Variants in RANBP2 observed in about 807,000 individuals in gnomAD.
RANBP2 encodes the protein E3 SUMO-protein ligase RanBP2.
Under a neutral mutation model 303.6 loss-of-function variants are expected in RANBP2, and 57 were observed. The ratio of observed to expected loss-of-function variants is 0.19; its 90% CI spans 0.15 to 0.23. The LOEUF (loss-of-function observed/expected upper bound fraction) is 0.23, where lower values mean the gene tolerates loss of function less well. Among genes scored for constraint, RANBP2 ranks in the 10% least tolerant of loss-of-function variants. RANBP2 has a pLI of 1.00. For missense variants in RANBP2, 3,138 were observed against 3,780.8 expected, an observed-to-expected ratio of 0.83 and a Z score of 4.46; for synonymous variants, 1,167 against 1,301.5, an observed-to-expected ratio of 0.90 and a Z score of 2.23.
chr2:109,208,813 A>G, the RANBP2 span, among the ~76,000 whole-genome samples: 1 of 152,358 alleles, frequency 6.6e-6, no homozygotes, highest in Admixed American at 6.5e-5. Context: ...TGTCTCAAGC[A>G]TGAGATACTT....
the RANBP2 span, among the ~76,000 whole-genome samples, chr2:109,283,189 C>T: frequency 1.3e-5 from 2 of 152,306 alleles, no homozygotes; most frequent in East Asian, 3.9e-4. Flanking sequence ...GTGCCTGGAG[C>T]ATGCCTCTGT....
At chr2:109,020,416 G>C in the RANBP2 span, among the ~76,000 whole-genome samples, 3 of 152,204 alleles carry the variant, frequency 2.0e-5, 1 homozygote, top group African/African-American at 4.8e-5. Flanking sequence ...GGTTCCAGTA[G>C]AGGAAGTCAA....
At chr2:108,870,062 A>G in the RANBP2 span, among the ~76,000 whole-genome samples, 2 of 152,244 alleles carry the variant, frequency 1.3e-5, no homozygotes, top group African/African-American at 2.4e-5. Context: ...GAAGTGATAC[A>G]TGAGCAAAAT....
At chr2:109,154,433 C>T in the RANBP2 span, among the ~76,000 whole-genome samples, 1 of 152,202 alleles carries the variant, frequency 6.6e-6, no homozygotes, top group Non-Finnish European at 1.5e-5. Context: ...GTTGAAGCTG[C>T]AGCATCATGG....
At chr2:109,362,883 A>G in the RANBP2 span, among the ~76,000 whole-genome samples, 1 of 152,090 alleles carries the variant, frequency 6.6e-6, no homozygotes, top group Non-Finnish European at 1.5e-5. Flanking sequence ...ATTAATATGG[A>G]TATCTTTTGA....
At chr2:108,912,933 G>A in the RANBP2 span, among the ~76,000 whole-genome samples, 1 of 151,428 alleles carries the variant, frequency 6.6e-6, no homozygotes, top group African/African-American at 2.4e-5. Flanking sequence ...ACCCTAAAGA[G>A]TCATCGTTAT....
At chr2:108,847,966 C>G in the RANBP2 span, among the ~76,000 whole-genome samples, 1 of 152,030 alleles carries the variant, frequency 6.6e-6, no homozygotes, top group Non-Finnish European at 1.5e-5. Context: ...ATAAAGTTCG[C>G]CACAGACCTA....
the RANBP2 span, among the ~76,000 whole-genome samples, chr2:109,019,378 A>G: frequency 6.6e-6 from 1 of 152,232 alleles, no homozygotes; most frequent in Non-Finnish European, 1.5e-5. Context: ...TTGTTGTTAC[A>G]GAGCAAAGAG....
the RANBP2 span, among the ~76,000 whole-genome samples, chr2:109,194,114 T>C: frequency 6.6e-6 from 1 of 152,238 alleles, no homozygotes; most frequent in Non-Finnish European, 1.5e-5. Context: ...GCTGGATGCA[T>C]GGGCAGTTGC....
At chr2:108,917,709 G>C in the RANBP2 span, among the ~76,000 whole-genome samples, 1 of 150,334 alleles carries the variant, frequency 6.7e-6, no homozygotes, top group Non-Finnish European at 1.5e-5. Flanking sequence ...CCTCATGAGG[G>C]TGAGGTCAGC....
the RANBP2 span, among the ~76,000 whole-genome samples, chr2:108,943,562 C>A: frequency 6.6e-6 from 1 of 152,164 alleles, no homozygotes; most frequent in Non-Finnish European, 1.5e-5. Context: ...TCCGAATTAT[C>A]CAGAACCAGT....
At chr2:109,593,108 AGACT>A in the RANBP2 span, 2 of 1,597,754 alleles carry the variant, frequency 1.3e-6, no homozygotes, top group East Asian at 2.3e-5. Flanking sequence ...TTGCCATGTG[AGACT>A]GAAAGAGCTA....
the RANBP2 span, chr2:108,839,352 C>T: frequency 2.1e-6 from 3 of 1,420,960 alleles, no homozygotes; most frequent in Non-Finnish European, 2.9e-6. Flanking sequence ...CCTAATATTA[C>T]TTCTTGATCT....
the RANBP2 span, chr2:109,565,793 CT>C: frequency 6.2e-7 from 1 of 1,614,056 alleles, no homozygotes; most frequent in South Asian, 1.1e-5. Context: ...TACTGGCGAG[CT>C]TTGACCATCT....
chr2:108,850,854 C>A, the RANBP2 span, among the ~76,000 whole-genome samples: 1 of 152,120 alleles, frequency 6.6e-6, no homozygotes, highest in Non-Finnish European at 1.5e-5. Context: ...AAGAAGACTT[C>A]TGTGACAAAA....
chr2:109,726,470 G>T, the RANBP2 span, among the ~76,000 whole-genome samples: 1 of 151,994 alleles, frequency 6.6e-6, no homozygotes, highest in African/African-American at 2.4e-5. Flanking sequence ...AACTGGAGGT[G>T]ATGATGCCCC....
At chr2:109,712,599 T>G in the RANBP2 span, among the ~76,000 whole-genome samples, 1 of 151,996 alleles carries the variant, frequency 6.6e-6, no homozygotes, top group Non-Finnish European at 1.5e-5. Context: ...GCCCTGCTAA[T>G]TTTTTGTATT....
chr2:109,241,474 T>C, the RANBP2 span, among the ~76,000 whole-genome samples: 1 of 152,152 alleles, frequency 6.6e-6, no homozygotes, highest in African/African-American at 2.4e-5. Context: ...CTTTATATCT[T>C]TTGAAATTTC....
At chr2:109,449,348 A>G in the RANBP2 span, 3 of 1,607,504 alleles carry the variant, frequency 1.9e-6, no homozygotes, top group Non-Finnish European at 2.5e-6. Flanking sequence ...TCCCCCTCAC[A>G]TCAGCAGCAT....
Sources: gnomAD v4.1 joint callset for allele counts (sites outside exome capture counted in the v4.1 genomes callset) on GRCh38, gnomAD v4.1.1 for gene constraint, MANE v1.5 for transcripts, NCBI Gene and HGNC (gene_info 2026-07-23, HGNC 2026-07-21) for gene names.